Variants in SPRY3 observed in about 807,000 individuals in gnomAD.
The protein encoded by SPRY3 is protein sprouty homolog 3.
In SPRY3, 15 loss-of-function variants were observed where a neutral mutation model predicts 20.2. The ratio of observed to expected loss-of-function variants is 0.74; its 90% CI spans 0.50 to 1.14. The LOEUF (loss-of-function observed/expected upper bound fraction) is 1.14, where lower values mean the gene tolerates loss of function less well. SPRY3 is among the 50% of genes most tolerant of loss of function. SPRY3 has a pLI of 0.00. For synonymous variants in SPRY3, 143 were observed against 136.5 expected (o/e 1.05, Z -0.33); for missense variants, 364 against 363.9 (o/e 1.00, Z 0.00).
chrX:155,731,763 C>G (rs2091134119), intron 2 of SPRY3, among the ~76,000 whole-genome samples: 1 of 151,984 alleles, frequency 6.6e-6, no homozygotes, highest in Non-Finnish European at 1.5e-5. Flanking sequence ...ACCCATCTGA[C>G]AAGAGATTAA....
intron 2 of SPRY3, among the ~76,000 whole-genome samples, chrX:155,717,343 G>A (rs1231861132): frequency 2.6e-5 from 4 of 151,658 alleles, no homozygotes; most frequent in African/African-American, 9.7e-5. Context: ...ACCTCAACAA[G>A]GACTACAACA....
chrX:155,654,645 G>T (rs1348264547), intron 1 of SPRY3, among the ~76,000 whole-genome samples: 5 of 108,948 alleles, frequency 4.6e-5, no homozygotes, highest in Non-Finnish European at 9.5e-5. Context: ...AACTGCAAAA[G>T]ACATGATTTC....
At chrX:155,775,100 ACT>A (rs1253633831) in exon 4 of SPRY3, 9 of 307,740 alleles carry the variant, frequency 2.9e-5, no homozygotes, top group Non-Finnish European at 4.5e-5. Context: ...TCTGATCGTC[ACT>A]CTGTTTTCTG....
intron 2 of SPRY3, among the ~76,000 whole-genome samples, chrX:155,748,214 G>A (rs764765286): frequency 7.2e-5 from 11 of 151,918 alleles, no homozygotes; most frequent in Middle Eastern, 3.4e-3. Context: ...TGGTGGCCCT[G>A]CTTAACAAGA....
chrX:155,669,025 C>T lies in SPRY3; in HGVS notation c.-282+12000C>T, dbSNP rs797031378. ...ATTAGGCACTCTATGCTTATATGCTCATCTTTAAACTTACGGTAACTACAC... is the reference window on the plus strand; with the variant it reads ...ATTAGGCACTCTATGCTTATATGCTTATCTTTAAACTTACGGTAACTACAC... On this transcript the variant is annotated intron_variant, in intron 2 of 3. Transcript: ENST00000675360. Among the ~76,000 whole-genome samples, 19 of 110,938 alleles carry T rather than the reference C, an allele frequency of 1.7e-4. No individual in the cohort carries two copies. The East Asian group carries it at 4.2e-3, about 25-fold the overall frequency.
intron 2 of SPRY3, among the ~76,000 whole-genome samples, chrX:155,715,804 G>T: frequency 6.6e-6 from 1 of 152,274 alleles, no homozygotes; most frequent in African/African-American, 2.4e-5. Context: ...CACAGGTGCT[G>T]GCTGAGCCCA....
intron 1 of SPRY3, among the ~76,000 whole-genome samples, chrX:155,616,933 C>A (rs1469168242): frequency 9.1e-6 from 1 of 110,008 alleles, no homozygotes; most frequent in Non-Finnish European, 1.9e-5. Flanking sequence ...TTGTACTTTA[C>A]TGTATTTATG....
chrX:155,756,420 C>T (rs770272771), intron 2 of SPRY3, among the ~76,000 whole-genome samples: 96 of 152,256 alleles, frequency 6.3e-4, no homozygotes, highest in African/African-American at 2.1e-3. Flanking sequence ...ATATTCACCA[C>T]ATCCATGGTA....
At chrX:155,657,553 G>A (rs1341597587) in intron 2 of SPRY3, among the ~76,000 whole-genome samples, 2 of 112,145 alleles carry the variant, frequency 1.8e-5, no homozygotes, top group African/African-American at 6.5e-5. Context: ...TGGGCTCCAC[G>A]GAAGTGGGAC....
rs763702011 is a variant in SPRY3, at chrX:155,769,733, A to G, written c.-107+1597A>G. 5.3e-5 allele frequency among the ~76,000 whole-genome samples: 8 copies of G among 152,348 alleles called. No individual in the cohort carries two copies. The South Asian group carries it at 1.5e-3, about 28-fold the overall frequency. On this transcript the variant is annotated intron_variant, in intron 3 of 3. Coordinates refer to ENST00000675360, the Ensembl canonical transcript of SPRY3. ...TTTGAAATAAACTGCTATGAGTCTT[A>G]ATGAAACCATTAAAGTAATGAATAG...
chrX:155,740,531 A>G (rs1464431067), intron 2 of SPRY3, among the ~76,000 whole-genome samples: 2 of 152,070 alleles, frequency 1.3e-5, no homozygotes, highest in Non-Finnish European at 2.9e-5. Context: ...TGTCTGTCTT[A>G]TGTGGTTGAG....
chrX:155,761,896 C>T (rs756371477), intron 2 of SPRY3, among the ~76,000 whole-genome samples: 1 of 151,972 alleles, frequency 6.6e-6, no homozygotes, highest in East Asian at 1.9e-4. Flanking sequence ...TAACACAGTC[C>T]TTTTCACTCT....
At chrX:155,781,801 T>G (rs149607621) in exon 2 of SPRY3, 9,682 of 167,122 alleles carry the variant, frequency 0.058, 373 homozygotes, top group South Asian at 0.096. Flanking sequence ...GTTTTTATTT[T>G]AGTCAATCTT....
chrX:155,744,670 T>C (rs1444671764), intron 2 of SPRY3, among the ~76,000 whole-genome samples: 1 of 151,730 alleles, frequency 6.6e-6, no homozygotes, highest in Non-Finnish European at 1.5e-5. Context: ...GACACTAAAG[T>C]CAGAGAGACA....
At chrX:155,711,086 C>T (rs1183333906) in intron 2 of SPRY3, among the ~76,000 whole-genome samples, 1 of 151,726 alleles carries the variant, frequency 6.6e-6, no homozygotes, top group African/African-American at 2.4e-5. Context: ...GAAGAATTTG[C>T]ATCAATATTC....
chrX:155,774,133 A>G, exon 4 of SPRY3: 4 of 1,613,996 alleles, frequency 2.5e-6, no homozygotes, highest in African/African-American at 2.7e-5. Flanking sequence ...TGCCAGCTCA[A>G]TGTCCCATAG....
intron 1 of SPRY3, among the ~76,000 whole-genome samples, chrX:155,625,503 G>C (rs782389752): frequency 9.0e-6 from 1 of 111,045 alleles, no homozygotes; most frequent in East Asian, 2.8e-4. Flanking sequence ...AAATCTCTTT[G>C]AATAGATATT....
intron 2 of SPRY3, among the ~76,000 whole-genome samples, chrX:155,677,307 T>C (rs1371525809): frequency 8.9e-6 from 1 of 111,760 alleles, no homozygotes; most frequent in Non-Finnish European, 1.9e-5. Flanking sequence ...TGGGAATCAA[T>C]TTTTCCACTC....
intron 1 of SPRY3, among the ~76,000 whole-genome samples, chrX:155,625,120 T>A (rs2162139): frequency 0.16 from 18,112 of 111,260 alleles, 1,177 homozygotes; most frequent in East Asian, 0.26. Flanking sequence ...TCAATTTTTT[T>A]AATTTTAATT....
Sources: gnomAD v4.1 joint callset for allele counts (sites outside exome capture counted in the v4.1 genomes callset) on GRCh38, gnomAD v4.1.1 for gene constraint, MANE v1.5 for transcripts, NCBI Gene and HGNC (gene_info 2026-07-23, HGNC 2026-07-21) for gene names.